The following F13A1 variants were observed in gnomAD, a reference collection of about 807,000 sequenced individuals.
F13A1 encodes FSF, A subunit.
A neutral mutation model predicts 80.1 loss-of-function variants in F13A1; 47 were observed. That is an observed-to-expected ratio of 0.59 (90% confidence interval 0.46 to 0.75). The LOEUF (loss-of-function observed/expected upper bound fraction) is 0.75, where lower values mean the gene tolerates loss of function less well. Ranked by LOEUF, F13A1 falls within the 30% of genes least tolerant of loss-of-function variation. F13A1 has a pLI of 0.00. For synonymous variants in F13A1, 349 were observed against 344.9 expected (o/e 1.01, Z -0.13); for missense variants, 817 against 930.4 (o/e 0.88, Z 1.59).
chr6:6,244,827 ACACG>A (rs1477313290), intron 6 of F13A1, among the ~76,000 whole-genome samples: 2 of 152,194 alleles, frequency 1.3e-5, no homozygotes, highest in African/African-American at 4.8e-5. Context: ...CAATCCCTCG[ACACG>A]AGCTGAGTCG....
chr6:6,228,952 A>C (rs954967612), intron 6 of F13A1, among the ~76,000 whole-genome samples: 3 of 152,146 alleles, frequency 2.0e-5, no homozygotes, highest in African/African-American at 7.2e-5. Context: ...ATGTAGGAGA[A>C]TCTTAAGGGA....
intron 8 of F13A1, among the ~76,000 whole-genome samples, chr6:6,204,025 A>T (rs1761443526): frequency 6.6e-6 from 1 of 152,220 alleles, no homozygotes; most frequent in Non-Finnish European, 1.5e-5. Context: ...GGTTCTGGCT[A>T]AGGTCATATC....
At chr6:6,274,278 T>C (rs183818064) in intron 3 of F13A1, among the ~76,000 whole-genome samples, 1 of 152,364 alleles carries the variant, frequency 6.6e-6, no homozygotes, top group Admixed American at 6.5e-5. Flanking sequence ...TCTACCTTGA[T>C]TTTATTTTAC....
chr6:6,158,649 A>G (rs1392366196), intron 13 of F13A1, among the ~76,000 whole-genome samples: 1 of 152,122 alleles, frequency 6.6e-6, no homozygotes, highest in Non-Finnish European at 1.5e-5. Flanking sequence ...CTTGGTGACG[A>G]GAGTGCGATG....
chr6:6,287,173 A>T (rs1260256486), intron 3 of F13A1, among the ~76,000 whole-genome samples: 2 of 152,228 alleles, frequency 1.3e-5, no homozygotes, highest in Non-Finnish European at 2.9e-5. Flanking sequence ...TTTTTAGATT[A>T]GAGACTCAAG....
At chr6:6,167,962 G>A (rs575769055) in intron 12 of F13A1, among the ~76,000 whole-genome samples, 10 of 152,296 alleles carry the variant, frequency 6.6e-5, no homozygotes, top group South Asian at 2.1e-4. Flanking sequence ...GATTTGGGCC[G>A]GGATCATCCC....
At chr6:6,196,034 G>A in intron 9 of F13A1, 149 bp from the exon 10 acceptor site, 1 of 810,304 alleles carries the variant, frequency 1.2e-6, no homozygotes, top group Non-Finnish European at 2.1e-6. Context: ...CAAGGCTGAA[G>A]AGAATTCCAT....
chr6:6,217,142 C>G (rs369782976), intron 8 of F13A1, among the ~76,000 whole-genome samples: 2,553 of 148,430 alleles, frequency 0.017, 66 homozygotes, highest in African/African-American at 0.059. Context: ...GATCTAGAAC[C>G]AGAAATACCA....
chr6:6,290,744 A>G (rs978977286), intron 3 of F13A1, among the ~76,000 whole-genome samples: 4 of 152,214 alleles, frequency 2.6e-5, no homozygotes, highest in African/African-American at 9.6e-5. Flanking sequence ...TTAAAAATAA[A>G]CACGTTGATC....
At chr6:6,236,169 G>A (rs1396640826) in intron 6 of F13A1, among the ~76,000 whole-genome samples, 2 of 152,056 alleles carry the variant, frequency 1.3e-5, no homozygotes, top group Non-Finnish European at 2.9e-5. Context: ...GTTTAAGGAA[G>A]AAATTACAAT....
At chr6:6,237,774 A>T (rs1311854880) in intron 6 of F13A1, among the ~76,000 whole-genome samples, 1 of 152,214 alleles carries the variant, frequency 6.6e-6, no homozygotes, top group Non-Finnish European at 1.5e-5. Context: ...GAAGGAAGGA[A>T]GGCACTATGC....
intron 13 of F13A1, among the ~76,000 whole-genome samples, chr6:6,157,396 T>C (rs1184412224): frequency 6.6e-6 from 1 of 152,128 alleles, no homozygotes; most frequent in Non-Finnish European, 1.5e-5. Flanking sequence ...AAACTACCTA[T>C]ACTGTGATCC....
chr6:6,283,298 A>C (rs1758091296), intron 3 of F13A1, among the ~76,000 whole-genome samples: 1 of 152,258 alleles, frequency 6.6e-6, no homozygotes, highest in South Asian at 2.1e-4. Flanking sequence ...GACATGAGAC[A>C]TGACATCTAA....
At chr6:6,302,204 T>C (rs1392337055) in intron 3 of F13A1, among the ~76,000 whole-genome samples, 4 of 151,924 alleles carry the variant, frequency 2.6e-5, no homozygotes, top group Non-Finnish European at 5.9e-5. Context: ...CCTAAATATT[T>C]GGCTTTAAAG....
chr6:6,186,078 T>C (rs1673542928), intron 10 of F13A1, among the ~76,000 whole-genome samples: 1 of 151,454 alleles, frequency 6.6e-6, no homozygotes, highest in Admixed American at 6.6e-5. Flanking sequence ...TGTTTGTTTT[T>C]TTCTTGTAAA....
chr6:6,298,237 G>A (rs1418946894), intron 3 of F13A1, among the ~76,000 whole-genome samples: 2 of 146,742 alleles, frequency 1.4e-5, no homozygotes, highest in Non-Finnish European at 3.0e-5. Context: ...GATTTGGGGT[G>A]GAGAGTTCTG....
intron 4 of F13A1, among the ~76,000 whole-genome samples, chr6:6,266,309 G>A (rs1757843609): frequency 6.6e-6 from 1 of 152,144 alleles, no homozygotes; most frequent in Non-Finnish European, 1.5e-5. Flanking sequence ...ATTGCTCACT[G>A]TAACCTCCAA....
chr6:6,284,160 T>C (rs929707240), intron 3 of F13A1, among the ~76,000 whole-genome samples: 2 of 152,222 alleles, frequency 1.3e-5, no homozygotes, highest in Non-Finnish European at 2.9e-5. Flanking sequence ...TCCTGAAATT[T>C]TGTCTTGATG....
At chr6:6,283,880 T>C (rs1247298896) in intron 3 of F13A1, among the ~76,000 whole-genome samples, 3 of 152,158 alleles carry the variant, frequency 2.0e-5, no homozygotes, top group Non-Finnish European at 4.4e-5. Context: ...TAAGAGAAGA[T>C]AGAACTAACT....
Sources: gnomAD v4.1 joint callset for allele counts (sites outside exome capture counted in the v4.1 genomes callset) on GRCh38, gnomAD v4.1.1 for gene constraint, MANE v1.5 for transcripts, NCBI Gene and HGNC (gene_info 2026-07-23, HGNC 2026-07-21) for gene names.